Variants in POLQ observed in about 807,000 individuals in gnomAD.
The protein encoded by POLQ is DNA polymerase theta.
Under a neutral mutation model 259.2 loss-of-function variants are expected in POLQ, and 233 were observed. The observed-to-expected ratio is 0.90, with a 90% CI of 0.81 to 1.00. The LOEUF (loss-of-function observed/expected upper bound fraction) is 1.00, where lower values mean the gene tolerates loss of function less well. Ranked by LOEUF, POLQ falls within the 50% of genes least tolerant of loss-of-function variation. POLQ has a pLI of 0.00. For missense variants in POLQ, 2,871 were observed against 3,051.6 expected (o/e 0.94, Z 1.39); for synonymous variants, 1,025 against 1,048.8 (o/e 0.98, Z 0.44).
chr3:121,520,171 C>T (rs1342396966), intron 8 of POLQ, 88 bp from the exon 9 acceptor site: 1 of 745,860 alleles, frequency 1.3e-6, no homozygotes, highest in Non-Finnish European at 2.3e-6. Flanking sequence ...GAGTCTGCTT[C>T]AAGCCTCTGA....
rs375385576 is a variant in POLQ at position 121,493,728 on chromosome 3, C to T, written c.2279-7G>A. The T allele has an allele frequency of 1.2e-5, 20 of 1,604,894 alleles. No homozygotes were observed. Among genetic ancestry groups the T allele is most frequent in the African/African-American group, 2.7e-5 (2 of 74,642 alleles). On this transcript the variant is annotated splice_region_variant and splice_polypyrimidine_tract_variant and intron_variant, in intron 14 of 29. Transcript: ENST00000264233. Reference sequence around the variant, plus strand: ...GAAAATACTGTAATCATCCCTAGAACATTCATAGAATATTTGTTGAATTCA... The same window carrying T: ...GAAAATACTGTAATCATCCCTAGAATATTCATAGAATATTTGTTGAATTCA...
chr3:121,486,316 C>T (rs753889935), intron 16 of POLQ, among the ~76,000 whole-genome samples: 4 of 152,006 alleles, frequency 2.6e-5, no homozygotes, highest in East Asian at 1.9e-4. Flanking sequence ...TTTGGGAGGC[C>T]GAGGTGGGTG....
chr3:121,492,092 G>A (rs1206885564), intron 15 of POLQ, among the ~76,000 whole-genome samples: 9 of 151,208 alleles, frequency 6.0e-5, no homozygotes. Context: ...ATATGCAAGA[G>A]CAAAGAGGAT....
At chr3:121,460,358 A>G (rs2047782182) in intron 24 of POLQ, 124 bp from the exon 25 acceptor site, 4 of 655,974 alleles carry the variant, frequency 6.1e-6, no homozygotes, top group South Asian at 6.0e-5. Context: ...TTGAAATCAC[A>G]TGTCAAAAGT....
In POLQ at chr3:121,488,740, A is replaced by G; in HGVS notation, c.4191T>C (p.Thr1397=). The G allele has an allele frequency of 6.2e-7, 1 of 1,613,938 alleles. No homozygotes were observed. Among genetic ancestry groups the G allele is most frequent in the African/African-American group, 1.3e-5 (1 of 75,034 alleles). ...CATGTGAATCACTGCTTTGTTTCAT[A>G]GTACCTACAGTCTTAAGGTCCAAAT... The part of the protein sequence containing the change: ...IDHLDLKTVG[T]MKQSSDSHGV... Residue 1397 remains threonine (T), a synonymous_variant, in exon 16 of 30, where the codon ACT becomes ACC. Coordinates refer to ENST00000264233, the MANE Select transcript of POLQ (RefSeq NM_199420.4).
chr3:121,492,851 T>C (rs187694840), intron 15 of POLQ, among the ~76,000 whole-genome samples: 4 of 150,976 alleles, frequency 2.6e-5, no homozygotes, highest in Admixed American at 2.6e-4. Flanking sequence ...TCTTGCTATG[T>C]TGCTCAGGCT....
chr3:121,535,387 G>C (rs1034566849), intron 5 of POLQ, among the ~76,000 whole-genome samples: 1 of 152,132 alleles, frequency 6.6e-6, no homozygotes, highest in Non-Finnish European at 1.5e-5. Context: ...TGAAGGAAAA[G>C]TATTTCTAAT....
intron 14 of POLQ, chr3:121,494,170 A>T: frequency 9.6e-7 from 1 of 1,044,648 alleles, no homozygotes; most frequent in Non-Finnish European, 1.5e-6. Context: ...TGTCGTGAAG[A>T]AGCAGGAGGC....
intron 5 of POLQ, among the ~76,000 whole-genome samples, chr3:121,535,666 A>G (rs1241385168): frequency 2.0e-5 from 3 of 149,592 alleles, no homozygotes; most frequent in African/African-American, 7.4e-5. Context: ...CAGTGAGCCG[A>G]GATCACGCCA....
intron 25 of POLQ, among the ~76,000 whole-genome samples, chr3:121,450,362 T>C (rs2047664583): frequency 6.6e-6 from 1 of 151,872 alleles, no homozygotes; most frequent in Non-Finnish European, 1.5e-5. Context: ...TTCGCTTTTT[T>C]ATTATTTATT....
rs1576425283 is a variant in POLQ, at chr3:121,521,919, A to C, written c.1255+84T>G. 3 of 999,840 alleles carry C rather than the reference A, an allele frequency of 3.0e-6. No individual in the cohort carries two copies. The East Asian group carries it at 8.3e-5, about 28-fold the overall frequency. The allele number at this position is 999,840 out of a possible 1,614,324, so 61.9% of individuals were successfully genotyped here. Reference sequence around the variant, plus strand: ...CTAAGGACATTAAGTGTGTTTAACAAGAAATAAATGTACACAAATATAAAA... The same window carrying C: ...CTAAGGACATTAAGTGTGTTTAACACGAAATAAATGTACACAAATATAAAA... On this transcript the variant is annotated intron_variant, in intron 8 of 29. Coordinates refer to ENST00000264233, the MANE Select transcript of POLQ (RefSeq NM_199420.4).
At chr3:121,545,670 C>T in intron 1 of POLQ, 45 bp downstream of exon 1, 1 of 1,505,672 alleles carries the variant, frequency 6.6e-7, no homozygotes, top group South Asian at 1.3e-5. Context: ...CATGGCCCGG[C>T]GGAGCTGCCC....
chr3:121,436,837 G>A (rs577061552), intron 27 of POLQ, among the ~76,000 whole-genome samples: 5 of 151,468 alleles, frequency 3.3e-5, no homozygotes, highest in Admixed American at 1.3e-4. Flanking sequence ...TAGATCCCTG[G>A]GTATTCAGTT....
At chr3:121,524,937 TACACACACACACACACAC>T (rs33965431) in intron 7 of POLQ, among the ~76,000 whole-genome samples, 1 of 148,526 alleles carries the variant, frequency 6.7e-6, no homozygotes, top group Non-Finnish European at 1.5e-5. Flanking sequence ...TGTGTATAAA[TACACACACACACACACAC>T]ACACACACAC....
intron 25 of POLQ, among the ~76,000 whole-genome samples, chr3:121,457,321 T>G (rs576427954): frequency 0.04 from 6,162 of 152,278 alleles, 181 homozygotes; most frequent in Middle Eastern, 0.092. Flanking sequence ...GACATAGGCA[T>G]GGGCAAGGAC....
intron 23 of POLQ, among the ~76,000 whole-genome samples, 171 bp from the exon 24 acceptor site, chr3:121,467,811 C>T (rs1036128064): frequency 6.6e-6 from 1 of 152,154 alleles, no homozygotes. Flanking sequence ...GAAGCCGAGG[C>T]GAGTAGATTG....
intron 24 of POLQ, among the ~76,000 whole-genome samples, chr3:121,465,195 G>A (rs115816429): frequency 0.012 from 1,825 of 151,312 alleles, 17 homozygotes; most frequent in South Asian, 0.025. Context: ...CAAGTGACAT[G>A]ATATTCCCAC....
At position 121,481,607 on chromosome 3, in the gene POLQ, T is replaced by A; in HGVS notation, c.6176A>T (p.Gln2059Leu). Residue 2059 changes from glutamine (Q) to leucine (L), a missense_variant, in exon 19 of 30, where the codon CAG (glutamine) becomes CTG (leucine). Gln to Leu is a moderately radical substitution (Grantham distance 113). Transcript: ENST00000264233. ...TTCCTTCTGCAACAAAGAGTTGAGC[T>A]GATTCATAGAGTTGAAGATGAGAAT... ...ESILIFNSMN[Q>L]LNSLLQKENL... 1 of 1,610,798 alleles carries A rather than the reference T, an allele frequency of 6.2e-7. No individual in the cohort carries two copies. Among genetic ancestry groups the A allele is most frequent in the Non-Finnish European group, 8.5e-7 (1 of 1,178,380 alleles).
intron 25 of POLQ, among the ~76,000 whole-genome samples, chr3:121,458,666 G>A (rs1023144654): frequency 6.6e-6 from 1 of 152,222 alleles, no homozygotes; most frequent in African/African-American, 2.4e-5. Context: ...AGAGAGGACA[G>A]AGCTGGCTTT....
Sources: gnomAD v4.1 joint callset for allele counts (sites outside exome capture counted in the v4.1 genomes callset) on GRCh38, gnomAD v4.1.1 for gene constraint, MANE v1.5 for transcripts, NCBI Gene and HGNC (gene_info 2026-07-23, HGNC 2026-07-21) for gene names.